QRSL1: variants seen among roughly 807,000 people sequenced by gnomAD.
QRSL1 encodes the protein glutaminyl-tRNA amidotransferase subunit QRSL1.
Under a neutral mutation model 61.6 loss-of-function variants are expected in QRSL1, and 54 were observed. The ratio of observed to expected loss-of-function variants is 0.88; its 90% CI spans 0.70 to 1.10. QRSL1 has a LOEUF of 1.10. Among genes scored for constraint, QRSL1 ranks in the 50% least tolerant of loss-of-function variants. The pLI is 0.00. For synonymous variants in QRSL1, 228 were observed against 225.7 expected (o/e 1.01, Z -0.09); for missense variants, 505 against 622.6 (o/e 0.81, Z 2.01).
At chr6:106,638,841 C>T (rs1378113849) in intron 1 of QRSL1, among the ~76,000 whole-genome samples, 3 of 152,108 alleles carry the variant, frequency 2.0e-5, no homozygotes, top group Non-Finnish European at 2.9e-5. Context: ...TGATGATTTA[C>T]TCAGTAGCTA....
chr6:106,663,328 A>G (rs1378703229), intron 10 of QRSL1, 143 bp downstream of exon 10: 7 of 691,842 alleles, frequency 1.0e-5, no homozygotes, highest in South Asian at 3.6e-5. Context: ...GTGTGTGTAC[A>G]TGTATTAGTC....
intron 4 of QRSL1, among the ~76,000 whole-genome samples, chr6:106,647,474 A>C (rs1355381397): frequency 6.8e-6 from 1 of 146,538 alleles, no homozygotes; most frequent in Non-Finnish European, 1.5e-5. Flanking sequence ...AACCTGGATC[A>C]CTTGAAACCG....
chr6:106,658,758 T>A (rs1019998627), intron 9 of QRSL1, among the ~76,000 whole-genome samples: 19 of 152,204 alleles, frequency 1.2e-4, no homozygotes, highest in Non-Finnish European at 2.6e-4. Flanking sequence ...TGCCTTGGTG[T>A]GGTTCTCTGC....
chr6:106,652,706 A>C, intron 7 of QRSL1, 124 bp downstream of exon 7: 1 of 1,553,654 alleles, frequency 6.4e-7, no homozygotes, highest in Non-Finnish European at 8.7e-7. Flanking sequence ...ATGTGAGTTG[A>C]GTATGTGACT....
At chr6:106,656,540 A>T (rs1318870151) in intron 9 of QRSL1, among the ~76,000 whole-genome samples, 1 of 152,262 alleles carries the variant, frequency 6.6e-6, no homozygotes, top group Non-Finnish European at 1.5e-5. Flanking sequence ...AGGACATGAG[A>T]AGTGTGAAAA....
Position 106,668,095 on chromosome 6 carries a change from AAAT to A in QRSL1, c.*2101_*2103del, listed in dbSNP as rs58746396. 1 of 152,076 alleles carries A rather than the reference AAAT, an allele frequency of 6.6e-6. No homozygotes were observed. Among genetic ancestry groups the A allele is most frequent in the South Asian group, 2.1e-4 (1 of 4,828 alleles). 9.4% of individuals were successfully genotyped at this position (152,076 alleles called of 1,614,324 possible). A position where few individuals can be genotyped will look rare whatever the true frequency, so the allele number is the denominator to read the frequency against. ...AGACGTGAGCCACCACACCTGGCCG[AAAT>A]AATAATATTCAATATTATATATTCA... On this transcript the variant is annotated 3_prime_UTR_variant, in exon 11 of 11. Coordinates refer to ENST00000369046, the MANE Select transcript of QRSL1 (RefSeq NM_018292.5).
At chr6:106,630,082 C>A (rs1334577251) in intron 1 of QRSL1, among the ~76,000 whole-genome samples, 1 of 152,020 alleles carries the variant, frequency 6.6e-6, no homozygotes. Flanking sequence ...AGAAGCCCGG[C>A]GAAACTGTAG....
chr6:106,656,499 T>C (rs3127657), intron 9 of QRSL1, among the ~76,000 whole-genome samples: 84,983 of 152,010 alleles, frequency 0.56, 24,076 homozygotes, highest in Non-Finnish European at 0.58. Flanking sequence ...GTGAACAGGC[T>C]TCATCTTCTA....
chr6:106,633,058 GA>G (rs1369004346), intron 1 of QRSL1, among the ~76,000 whole-genome samples: 1 of 152,198 alleles, frequency 6.6e-6, no homozygotes, highest in Non-Finnish European at 1.5e-5. Flanking sequence ...TAGCCATTGT[GA>G]AAAACAACTT....
intron 4 of QRSL1, among the ~76,000 whole-genome samples, 178 bp downstream of exon 4, chr6:106,643,268 C>G (rs1264408594): frequency 2.0e-5 from 3 of 152,118 alleles, no homozygotes; most frequent in Non-Finnish European, 4.4e-5. Flanking sequence ...GCTTGTATTT[C>G]CCTGATGACT....
At chr6:106,659,078 A>G (rs1449928702) in intron 9 of QRSL1, among the ~76,000 whole-genome samples, 1 of 151,450 alleles carries the variant, frequency 6.6e-6, no homozygotes, top group African/African-American at 2.4e-5. Flanking sequence ...TTTTTTATAC[A>G]TTATATTTTT....
chr6:106,663,442 G>T (rs1218062574), intron 10 of QRSL1, among the ~76,000 whole-genome samples: 1 of 152,200 alleles, frequency 6.6e-6, no homozygotes, highest in Non-Finnish European at 1.5e-5. Context: ...AAGCTGAGCA[G>T]CTTCCACTTC....
intron 5 of QRSL1, among the ~76,000 whole-genome samples, chr6:106,650,783 G>A (rs1777178250): frequency 1.3e-5 from 2 of 152,182 alleles, no homozygotes; most frequent in Admixed American, 1.3e-4. Flanking sequence ...TGCATGTCTG[G>A]ATGAATGCAT....
intron 7 of QRSL1, 81 bp downstream of exon 7, chr6:106,652,663 G>A: frequency 6.3e-7 from 1 of 1,590,864 alleles, no homozygotes; most frequent in Non-Finnish European, 8.6e-7. Context: ...GATTGGGTGG[G>A]TTTGAATCTC....
Position 106,642,365 on chromosome 6 carries a change from TTC to T in QRSL1, c.284-627_284-626del, listed in dbSNP as rs553782009. On this transcript the variant is annotated intron_variant, in intron 3 of 10. Coordinates refer to ENST00000369046, the MANE Select transcript of QRSL1 (RefSeq NM_018292.5). ...GCCACCCCGCCCCGCCGACTCTTGT[TTC>T]TTACATATGATTTACATGTTCGCTG... 3.0e-4 allele frequency: 116 copies of T among 388,218 alleles called. No individual in the cohort carries two copies. The East Asian group carries it at 6.1e-3, about 20-fold the overall frequency. The allele number at this position is 388,218 out of a possible 1,614,324, so 24.0% of individuals were successfully genotyped here. A position where few individuals can be genotyped will look rare whatever the true frequency, so the allele number is the denominator to read the frequency against.
At chr6:106,634,372 C>T (rs1489698908) in intron 1 of QRSL1, among the ~76,000 whole-genome samples, 1 of 152,186 alleles carries the variant, frequency 6.6e-6, no homozygotes, top group Non-Finnish European at 1.5e-5. Flanking sequence ...TGGGAATCTT[C>T]TGGAAAGTTT....
intron 5 of QRSL1, among the ~76,000 whole-genome samples, chr6:106,651,150 G>A (rs1459844931): frequency 1.3e-5 from 2 of 152,016 alleles, no homozygotes; most frequent in African/African-American, 2.4e-5. Flanking sequence ...TCTCATGTAC[G>A]TGGTGTCATG....
chr6:106,660,255 T>C (rs758831415), intron 9 of QRSL1, among the ~76,000 whole-genome samples: 13 of 152,242 alleles, frequency 8.5e-5, no homozygotes, highest in African/African-American at 2.9e-4. Context: ...CCGGAGTGCA[T>C]TGGCATGACC....
intron 3 of QRSL1, among the ~76,000 whole-genome samples, chr6:106,641,201 G>A (rs1777013523): frequency 6.6e-6 from 1 of 152,174 alleles, no homozygotes; most frequent in South Asian, 2.1e-4. Context: ...GTGCATACCT[G>A]TAGTCCCAGC....
Sources: gnomAD v4.1 joint callset for allele counts (sites outside exome capture counted in the v4.1 genomes callset) on GRCh38, gnomAD v4.1.1 for gene constraint, MANE v1.5 for transcripts, NCBI Gene and HGNC (gene_info 2026-07-23, HGNC 2026-07-21) for gene names.